FOXP2: variants seen among roughly 807,000 people sequenced by gnomAD.
FOXP2 encodes the protein forkhead box protein P2.
FOXP2 carries 12 observed loss-of-function variants against 115.8 expected under a neutral mutation model. The observed-to-expected ratio is 0.10, with a 90% CI of 0.07 to 0.17. The LOEUF (loss-of-function observed/expected upper bound fraction) is 0.17, where lower values mean the gene tolerates loss of function less well. Among genes scored for constraint, FOXP2 ranks in the 10% least tolerant of loss-of-function variants. The pLI is 1.00. For synonymous variants in FOXP2, 328 were observed against 297.7 expected, an observed-to-expected ratio of 1.10 and a Z score of -1.05; for missense variants, 629 against 843.5, an observed-to-expected ratio of 0.75 and a Z score of 3.15.
chr7:114,115,000 G>T (rs911693295), intron 1 of FOXP2, among the ~76,000 whole-genome samples: 2 of 151,982 alleles, frequency 1.3e-5, no homozygotes, highest in Admixed American at 1.3e-4. Context: ...TATTTTGTGT[G>T]TTGCATTTTT....
At chr7:114,372,104 A>G (rs934242391) in intron 2 of FOXP2, among the ~76,000 whole-genome samples, 1 of 152,226 alleles carries the variant, frequency 6.6e-6, no homozygotes, top group Non-Finnish European at 1.5e-5. Context: ...CAAATACTCA[A>G]AAAAGACTTG....
intron 3 of FOXP2, among the ~76,000 whole-genome samples, chr7:114,594,602 A>G (rs1368311413): frequency 6.6e-6 from 1 of 152,050 alleles, no homozygotes; most frequent in African/African-American, 2.4e-5. Flanking sequence ...GTGAGAACCA[A>G]TTCTATTCAT....
intron 14 of FOXP2, 127 bp downstream of exon 14, chr7:114,662,313 T>C: frequency 7.6e-7 from 1 of 1,310,968 alleles, no homozygotes; most frequent in Non-Finnish European, 1.1e-6. Context: ...GGCAATGAAC[T>C]GCATTTTGAA....
At chr7:114,496,083 G>T (rs1797307833) in intron 2 of FOXP2, among the ~76,000 whole-genome samples, 1 of 151,940 alleles carries the variant, frequency 6.6e-6, no homozygotes, top group African/African-American at 2.4e-5. Flanking sequence ...TAGCAAAAGT[G>T]GTGAATTCAT....
chr7:114,507,954 T>C (rs1797902527), intron 2 of FOXP2, among the ~76,000 whole-genome samples: 1 of 151,918 alleles, frequency 6.6e-6, no homozygotes, highest in South Asian at 2.1e-4. Context: ...TCATTTCACC[T>C]GAGAACAAAT....
intron 2 of FOXP2, among the ~76,000 whole-genome samples, chr7:114,381,280 G>A (rs1172649212): frequency 6.6e-6 from 1 of 152,196 alleles, no homozygotes; most frequent in Admixed American, 6.5e-5. Context: ...TATGAGCAGA[G>A]CTGAGCCTTT....
At chr7:114,492,196 C>T (rs775720932) in intron 2 of FOXP2, among the ~76,000 whole-genome samples, 14 of 152,062 alleles carry the variant, frequency 9.2e-5, no homozygotes, top group Non-Finnish European at 1.6e-4. Context: ...AGTTTATTTG[C>T]GTAGAGGTGT....
rs763989832 is a variant in FOXP2, at chr7:114,112,452, C to A, written c.-247+24614C>A. Among the ~76,000 whole-genome samples the A allele has an allele frequency of 3.9e-5, 6 of 152,044 alleles. No homozygotes were observed. The South Asian group carries it at 1.2e-3, about 32-fold the overall frequency. ...AGCTGGGACTACAGACATGTGCCAC[C>A]AATGCCTGGCTAATTTTTGTGTTTT... On this transcript the variant is annotated intron_variant, in intron 1 of 19. Transcript: ENST00000635638.
chr7:114,113,265 C>T (rs1344748772), intron 1 of FOXP2, among the ~76,000 whole-genome samples: 1 of 152,094 alleles, frequency 6.6e-6, no homozygotes, highest in Non-Finnish European at 1.5e-5. Flanking sequence ...TCTAGGAGAA[C>T]TATGAGAAAA....
chr7:114,105,800 G>T (rs1298160376), intron 1 of FOXP2, among the ~76,000 whole-genome samples: 1 of 152,010 alleles, frequency 6.6e-6, no homozygotes, highest in South Asian at 2.1e-4. Context: ...CTGCAGATAA[G>T]AAAATAACAG....
chr7:114,692,030 G>A lies in FOXP2; in HGVS notation c.*2104G>A, dbSNP rs1375573333. 2.2e-6 allele frequency: 1 copy of A among 453,118 alleles called. No individual in the cohort carries two copies. Among genetic ancestry groups the A allele is most frequent in the African/African-American group, 2.0e-5 (1 of 49,800 alleles). 28.1% of individuals were successfully genotyped at this position (453,118 alleles called of 1,614,324 possible). On this transcript the variant is annotated 3_prime_UTR_variant, in exon 17 of 17. Transcript: ENST00000350908. Reference sequence around the variant, plus strand: ...CACAGTAACTGCTACTTTTCATTATGTTTGTCTTTGGGTCATGATCAACGA... The same window carrying A: ...CACAGTAACTGCTACTTTTCATTATATTTGTCTTTGGGTCATGATCAACGA...
intron 1 of FOXP2, among the ~76,000 whole-genome samples, chr7:114,139,333 G>A (rs898266146): frequency 2.6e-5 from 4 of 152,172 alleles, no homozygotes; most frequent in South Asian, 4.2e-4. Flanking sequence ...AGTTGTTTTC[G>A]GGGAGGTTGC....
At chr7:114,384,336 T>C (rs763402812) in intron 2 of FOXP2, among the ~76,000 whole-genome samples, 96 of 152,166 alleles carry the variant, frequency 6.3e-4, no homozygotes, top group Non-Finnish European at 1.1e-3. Flanking sequence ...CTTATGCAAA[T>C]TCATTTCAGA....
chr7:114,096,239 T>G (rs143797549), intron 1 of FOXP2, among the ~76,000 whole-genome samples: 3 of 152,248 alleles, frequency 2.0e-5, no homozygotes, highest in Admixed American at 2.0e-4. Context: ...TTTCAAATAC[T>G]CATACATTTC....
chr7:114,121,193 G>A (rs1562970674), intron 1 of FOXP2, among the ~76,000 whole-genome samples: 1 of 151,988 alleles, frequency 6.6e-6, no homozygotes, highest in Non-Finnish European at 1.5e-5. Flanking sequence ...TGAATGAGAT[G>A]AGTGCCCTTA....
intron 2 of FOXP2, among the ~76,000 whole-genome samples, chr7:114,325,990 TATG>T (rs757346521): frequency 3.0e-4 from 45 of 152,122 alleles, no homozygotes; most frequent in Non-Finnish European, 6.0e-4. Flanking sequence ...AGCTATTTCT[TATG>T]ATAATAATCA....
At chr7:114,256,367 A>G (rs1000578219) in intron 1 of FOXP2, among the ~76,000 whole-genome samples, 2 of 152,212 alleles carry the variant, frequency 1.3e-5, no homozygotes, top group African/African-American at 4.8e-5. Context: ...TTGGCCTCCC[A>G]AAGTGCTGGG....
chr7:114,666,615 C>T (rs1236643959), intron 16 of FOXP2: 1 of 152,058 alleles, frequency 6.6e-6, no homozygotes, highest in African/African-American at 2.4e-5. Context: ...ACACAGCATA[C>T]TTATATCTCC....
At chr7:114,180,323 T>C (rs1172285043) in intron 1 of FOXP2, among the ~76,000 whole-genome samples, 3 of 151,976 alleles carry the variant, frequency 2.0e-5, no homozygotes, top group African/African-American at 7.2e-5. Context: ...TAAGACTTTC[T>C]TGTGAGCCCT....
Sources: gnomAD v4.1 joint callset for allele counts (sites outside exome capture counted in the v4.1 genomes callset) on GRCh38, gnomAD v4.1.1 for gene constraint, MANE v1.5 for transcripts, NCBI Gene and HGNC (gene_info 2026-07-23, HGNC 2026-07-21) for gene names.